Variants in DYRK1A observed in about 807,000 individuals in gnomAD.
The protein encoded by DYRK1A is dual specificity tyrosine-phosphorylation-regulated kinase 1A.
A neutral mutation model predicts 79.7 loss-of-function variants in DYRK1A; 9 were observed. The observed-to-expected ratio is 0.11, with a 90% CI of 0.07 to 0.20. The LOEUF is 0.20. Ranked by LOEUF, DYRK1A falls within the 10% of genes least tolerant of loss-of-function variation. The pLI is 1.00. For synonymous variants in DYRK1A, 349 were observed against 329.7 expected (o/e 1.06, Z -0.63); for missense variants, 622 against 956.0 (o/e 0.65, Z 4.61).
Position 37,524,588 on chromosome 21 carries a change from A to C in DYRK1A, c.*12057A>C, listed in dbSNP as rs923118138. ...CCTTTCCACGACAACAGTTGCTCAA[A>C]GAGTTGACATTAGGAATGACATCAG... On this transcript the variant is annotated 3_prime_UTR_variant, in exon 12 of 12. Transcript: ENST00000647188. 6.6e-6 allele frequency: 1 copy of C among 152,222 alleles called. No homozygotes were observed. The highest frequency in any genetic ancestry group is 6.5e-5 in the Admixed American group (1 of 15,282). 9.4% of individuals were successfully genotyped at this position (152,222 alleles called of 1,614,324 possible).
chr21:37,482,990 A>C (rs1410887830), intron 5 of DYRK1A, among the ~76,000 whole-genome samples: 7 of 152,168 alleles, frequency 4.6e-5, no homozygotes, highest in Admixed American at 4.6e-4. Context: ...CCCAGATTTC[A>C]TATTGTTCAA....
intron 5 of DYRK1A, among the ~76,000 whole-genome samples, chr21:37,483,863 C>T (rs1242471331): frequency 1.3e-5 from 2 of 152,108 alleles, no homozygotes; most frequent in African/African-American, 2.4e-5. Flanking sequence ...GATTATAGGC[C>T]TGAGCCACCA....
chr21:37,425,613 T>A (rs577930880), intron 2 of DYRK1A: 2 of 152,334 alleles, frequency 1.3e-5, no homozygotes, highest in East Asian at 3.9e-4. Flanking sequence ...ACTTATTAAG[T>A]GTACCTTGAA....
rs918350460 is a variant in DYRK1A, at chr21:37,466,803, TA to T, written c.11-5872del. On this transcript the variant is annotated intron_variant, in intron 2 of 11. Coordinates refer to ENST00000647188, the MANE Select transcript of DYRK1A (RefSeq NM_001347721.2). Reference sequence around the variant, plus strand: ...GATAGAACAAGATGAGACCAAAATTTAAAAAAAAATACCTATATAAGACAGC... The same window carrying T: ...GATAGAACAAGATGAGACCAAAATTTAAAAAAAATACCTATATAAGACAGC... Among the ~76,000 whole-genome samples, 154 of 150,812 alleles carry T rather than the reference TA, an allele frequency of 1.0e-3. 1 individual carries two copies. Among genetic ancestry groups the T allele is most frequent in the African/African-American group, 3.7e-3 (152 of 41,072 alleles).
chr21:37,432,272 T>C (rs2050796488), intron 2 of DYRK1A, among the ~76,000 whole-genome samples: 1 of 152,134 alleles, frequency 6.6e-6, no homozygotes, highest in African/African-American at 2.4e-5. Context: ...GAGTAAAGAA[T>C]AGTCCAATAG....
chr21:37,372,053 C>A (rs566304744), intron 1 of DYRK1A, among the ~76,000 whole-genome samples: 1 of 151,998 alleles, frequency 6.6e-6, no homozygotes. Context: ...TATGCATTTT[C>A]TCTTCTGGGT....
intron 2 of DYRK1A, among the ~76,000 whole-genome samples, chr21:37,420,759 G>T (rs934876286): frequency 2.0e-5 from 3 of 151,956 alleles, no homozygotes; most frequent in African/African-American, 7.3e-5. Flanking sequence ...GATGTTAGTA[G>T]GATATCATCA....
At position 37,480,719 on chromosome 21, in the gene DYRK1A, A is replaced by G. The variant is rs2052608605; in HGVS notation, c.382A>G (p.Asn128Asp). The G allele has an allele frequency of 6.2e-7, 1 of 1,613,194 alleles. No individual in the cohort carries two copies. The highest frequency in any genetic ancestry group is 1.3e-5 in the African/African-American group (1 of 74,904). ...SSHKKERKVY[N>D]DGYDDDNYDY... The stretch of plus-strand genomic sequence containing the variant: ...TCATAAGAAGGAACGGAAGGTTTAC[A>G]ATGATGGTTATGATGATGATAACTA... The change falls in exon 5 of 12, where the codon AAT becomes GAT. Residue 128 changes from asparagine (N) to aspartate (D), a missense_variant. Coordinates refer to ENST00000647188, the MANE Select transcript of DYRK1A (RefSeq NM_001347721.2).
At chr21:37,437,409 G>A (rs970343589) in intron 2 of DYRK1A, among the ~76,000 whole-genome samples, 8 of 152,130 alleles carry the variant, frequency 5.3e-5, no homozygotes, top group Non-Finnish European at 1.0e-4. Flanking sequence ...GTGGAGGGAA[G>A]GGATTGATTG....
chr21:37,398,067 TAAA>T (rs111780739), intron 1 of DYRK1A, among the ~76,000 whole-genome samples: 1 of 98,922 alleles, frequency 1.0e-5, no homozygotes, highest in Admixed American at 9.9e-5. Context: ...CCTCATCTCT[TAAA>T]AAAAAAATAT....
intron 5 of DYRK1A, among the ~76,000 whole-genome samples, chr21:37,483,044 G>T (rs549623828): frequency 6.6e-6 from 1 of 152,196 alleles, no homozygotes; most frequent in East Asian, 1.9e-4. Flanking sequence ...AATCATCACA[G>T]GGTCCTGAGG....
chr21:37,407,918 G>T (rs1398860620), intron 1 of DYRK1A, among the ~76,000 whole-genome samples: 2 of 152,054 alleles, frequency 1.3e-5, no homozygotes, highest in African/African-American at 4.8e-5. Context: ...CTCAAAACTA[G>T]CTGATGACAT....
intron 1 of DYRK1A, chr21:37,367,946 C>T (rs983630517): frequency 6.4e-5 from 10 of 155,908 alleles, no homozygotes; most frequent in Middle Eastern, 2.4e-3. Context: ...GGTTGTCTTC[C>T]TCCTCCTCCT....
intron 2 of DYRK1A, among the ~76,000 whole-genome samples, chr21:37,428,143 G>C (rs995609755): frequency 6.6e-6 from 1 of 152,168 alleles, no homozygotes; most frequent in African/African-American, 2.4e-5. Flanking sequence ...TTCAGGGCCT[G>C]TGAGTCCCTC....
chr21:37,440,107 G>A (rs1420138984), intron 2 of DYRK1A, among the ~76,000 whole-genome samples: 1 of 109,252 alleles, frequency 9.2e-6, no homozygotes, highest in African/African-American at 3.2e-5. Flanking sequence ...TTGTTATTCC[G>A]TTGACTTTGA....
intron 2 of DYRK1A, among the ~76,000 whole-genome samples, chr21:37,435,452 G>A (rs917905511): frequency 2.6e-5 from 4 of 152,262 alleles, no homozygotes; most frequent in East Asian, 3.9e-4. Context: ...GCGGGCAGGC[G>A]GATTTTAGAA....
At chr21:37,411,793 CTGAGA>C (rs967251434) in intron 1 of DYRK1A, among the ~76,000 whole-genome samples, 3 of 152,192 alleles carry the variant, frequency 2.0e-5, no homozygotes, top group East Asian at 1.9e-4. Context: ...TTTCTCTCTT[CTGAGA>C]TAACTATTAT....
rs1284265443 is a variant in DYRK1A at position 37,521,725 on chromosome 21, A to G, written c.*9194A>G. The G allele has an allele frequency of 6.6e-6, 1 of 152,390 alleles. No individual in the cohort carries two copies. Among genetic ancestry groups the G allele is most frequent in the South Asian group, 2.1e-4 (1 of 4,820 alleles). The allele number at this position is 152,390 out of a possible 1,614,324, so 9.4% of individuals were successfully genotyped here. ...AATGCCCTAGAATCTAGGAGAAGACAACAGGCCATTCGAAGGTGAGGAGGC... is the reference window on the plus strand; with the variant it reads ...AATGCCCTAGAATCTAGGAGAAGACGACAGGCCATTCGAAGGTGAGGAGGC... On this transcript the variant is annotated 3_prime_UTR_variant, in exon 12 of 12. Coordinates refer to ENST00000647188, the MANE Select transcript of DYRK1A (RefSeq NM_001347721.2).
chr21:37,479,602 TTTTGTTTTTGTTTTTTG>T (rs1569362083), intron 4 of DYRK1A, among the ~76,000 whole-genome samples: 9 of 72,292 alleles, frequency 1.2e-4, no homozygotes, highest in African/African-American at 8.8e-4. Context: ...TTGTTTTTGT[TTTTGTTTTTGTTTTTTG>T]TTTTTTTTTT....
Sources: allele counts gnomAD v4.1 joint callset (sites outside exome capture counted in the v4.1 genomes callset), GRCh38; gene constraint gnomAD v4.1.1; transcripts MANE v1.5; gene names NCBI Gene and HGNC (gene_info 2026-07-23, HGNC 2026-07-21).